NBAS: variants seen among roughly 807,000 people sequenced by gnomAD.
The protein encoded by NBAS is NBAS subunit of NRZ tethering complex, also known as NAG/BC035112 fusion.
In NBAS, 219 loss-of-function variants were observed where a neutral mutation model predicts 302.5. That is an observed-to-expected ratio of 0.72 (90% CI 0.65 to 0.81). The LOEUF (loss-of-function observed/expected upper bound fraction) is 0.81. NBAS is among the 30% of genes least tolerant of loss of function. The probability of loss-of-function intolerance (pLI) is 0.00; values close to 1 mark genes in which losing one functional copy is unlikely to be tolerated. For synonymous variants in NBAS, 1,118 were observed against 1,021.6 expected (o/e 1.09, Z -1.80); for missense variants, 2,932 against 2,841.6 (o/e 1.03, Z -0.72).
the NBAS span, among the ~76,000 whole-genome samples, chr2:15,069,897 G>A: frequency 6.6e-6 from 1 of 152,126 alleles, no homozygotes; most frequent in South Asian, 2.1e-4. Context: ...ATTGGGAATT[G>A]GAGTTATCTA....
intron 35 of NBAS, 84 bp downstream of exon 35, chr2:15,351,904 AAAAC>A: frequency 1.1e-6 from 1 of 903,540 alleles, no homozygotes; most frequent in African/African-American, 1.7e-5. Context: ...ACACACACAC[AAAAC>A]CCCTCTCATC....
At chr2:15,547,981 T>C (rs1394801163) in intron 6 of NBAS, among the ~76,000 whole-genome samples, 2 of 152,250 alleles carry the variant, frequency 1.3e-5, no homozygotes, top group Non-Finnish European at 2.9e-5. Context: ...TGTGTATACA[T>C]GTATACATAA....
the NBAS span, among the ~76,000 whole-genome samples, chr2:15,025,161 C>G: frequency 6.6e-6 from 1 of 152,156 alleles, no homozygotes; most frequent in Admixed American, 6.6e-5. Context: ...AGAAAGAGGT[C>G]CAGTTTCAAT....
At chr2:15,248,989 C>G (rs1572523842) in intron 44 of NBAS, among the ~76,000 whole-genome samples, 1 of 151,814 alleles carries the variant, frequency 6.6e-6, no homozygotes, top group African/African-American at 2.4e-5. Flanking sequence ...CCAAAACCTG[C>G]CAGAGACACA....
At chr2:14,993,856 A>G in the NBAS span, among the ~76,000 whole-genome samples, 16 of 152,332 alleles carry the variant, frequency 1.1e-4, no homozygotes, top group Admixed American at 1.0e-3. Flanking sequence ...GTTTAAGCCA[A>G]ACCAATAAAT....
At chr2:15,473,750 C>T (rs1680062040) in intron 15 of NBAS, among the ~76,000 whole-genome samples, 1 of 152,096 alleles carries the variant, frequency 6.6e-6, no homozygotes, top group Non-Finnish European at 1.5e-5. Context: ...TCTTCCTTCA[C>T]CCTCTGTAGA....
chr2:15,235,068 T>C (rs931530762), intron 45 of NBAS, among the ~76,000 whole-genome samples: 1 of 152,206 alleles, frequency 6.6e-6, no homozygotes, highest in African/African-American at 2.4e-5. Flanking sequence ...TAATGGTCAG[T>C]TCTTTAGCAC....
intron 21 of NBAS, among the ~76,000 whole-genome samples, chr2:15,436,808 C>T (rs1678039158): frequency 6.6e-6 from 1 of 152,180 alleles, no homozygotes; most frequent in Non-Finnish European, 1.5e-5. Context: ...CTTGCTCCTT[C>T]ACTAGACTAT....
At chr2:15,154,647 C>T in the NBAS span, among the ~76,000 whole-genome samples, 1,710 of 152,282 alleles carry the variant, frequency 0.011, 30 homozygotes, top group African/African-American at 0.039. Context: ...GTGGGCCCAG[C>T]CCTGCTCTGA....
At chr2:15,131,026 A>G in the NBAS span, among the ~76,000 whole-genome samples, 2 of 152,226 alleles carry the variant, frequency 1.3e-5, no homozygotes, top group African/African-American at 4.8e-5. Flanking sequence ...ATATGAATAA[A>G]TACATATTAT....
intron 9 of NBAS, among the ~76,000 whole-genome samples, chr2:15,524,621 G>C (rs1662835554): frequency 6.6e-6 from 1 of 152,098 alleles, no homozygotes; most frequent in South Asian, 2.1e-4. Context: ...CAATGGAAGG[G>C]AGACGACAAC....
chr2:14,927,263 A>T, the NBAS span, among the ~76,000 whole-genome samples: 5 of 152,360 alleles, frequency 3.3e-5, no homozygotes, highest in East Asian at 9.6e-4. Flanking sequence ...CTCTATAAAT[A>T]CACATCCTAT....
At chr2:15,165,501 G>C (rs1306451592), downstream of NBAS, among the ~76,000 whole-genome samples, 2 of 152,234 alleles carry the variant, frequency 1.3e-5, no homozygotes, top group Non-Finnish European at 1.5e-5. Context: ...CTCCTCCAAA[G>C]ATGACCAAAA....
chr2:15,138,501 G>C, the NBAS span, among the ~76,000 whole-genome samples: 29 of 152,088 alleles, frequency 1.9e-4, 1 homozygote, highest in Non-Finnish European at 4.4e-5. Flanking sequence ...CCTGAGCTCC[G>C]TGCTGTCCAC....
the NBAS span, among the ~76,000 whole-genome samples, chr2:15,161,301 C>T: frequency 1.3e-5 from 2 of 152,184 alleles, no homozygotes; most frequent in Admixed American, 1.3e-4. Context: ...CAGTATAGTG[C>T]ACCTTATCTC....
the NBAS span, among the ~76,000 whole-genome samples, chr2:14,805,646 G>C: frequency 6.6e-6 from 1 of 152,150 alleles, no homozygotes; most frequent in Non-Finnish European, 1.5e-5. Context: ...GATAATAGTG[G>C]CCTGGACAAG....
At chr2:14,785,827 T>C in the NBAS span, among the ~76,000 whole-genome samples, 1 of 152,234 alleles carries the variant, frequency 6.6e-6, no homozygotes, top group African/African-American at 2.4e-5. Flanking sequence ...AGGATGATGC[T>C]GGCCTCATAA....
At chr2:15,350,063 C>T (rs1323483602) in intron 35 of NBAS, among the ~76,000 whole-genome samples, 1 of 152,018 alleles carries the variant, frequency 6.6e-6, no homozygotes, top group Non-Finnish European at 1.5e-5. Flanking sequence ...ACTGGGAATA[C>T]ACACGCATAT....
chr2:15,270,800 C>A (rs915495597), intron 44 of NBAS, among the ~76,000 whole-genome samples: 2 of 152,170 alleles, frequency 1.3e-5, no homozygotes, highest in Admixed American at 6.6e-5. Flanking sequence ...ACATGTCTTT[C>A]ATAGCTTAAT....
Sources: allele counts gnomAD v4.1 joint callset (sites outside exome capture counted in the v4.1 genomes callset), GRCh38; gene constraint gnomAD v4.1.1; transcripts MANE v1.5; gene names NCBI Gene and HGNC (gene_info 2026-07-23, HGNC 2026-07-21).